AFF1: variants seen among roughly 807,000 people sequenced by gnomAD.
AFF1 encodes the protein ALF transcription elongation factor 1.
Under a neutral mutation model 121.7 loss-of-function variants are expected in AFF1, and 48 were observed. That is an observed-to-expected ratio of 0.39 (90% confidence interval 0.31 to 0.50). The LOEUF (loss-of-function observed/expected upper bound fraction) is 0.50. Among genes scored for constraint, AFF1 ranks in the 20% least tolerant of loss-of-function variants. The pLI, the probability that AFF1 is intolerant of heterozygous loss-of-function variation, is 0.76. For synonymous variants in AFF1, 613 were observed against 563.0 expected (o/e 1.09, Z -1.26); for missense variants, 1,523 against 1,511.7 (o/e 1.01, Z -0.12).
chr4:87,023,806 G>T (rs1297569016), intron 2 of AFF1, among the ~76,000 whole-genome samples: 2 of 152,178 alleles, frequency 1.3e-5, no homozygotes. Context: ...TTAAACAAGA[G>T]GGTTCGTTCT....
Position 87,114,570 on chromosome 4 carries a change from G to A in AFF1, c.1737G>A (p.Arg579=). The change falls in exon 12 of 21, where the codon CGG becomes CGA. Residue 579 remains arginine, a synonymous_variant. Transcript: ENST00000395146. ...CTAAAAGCTCCAGCAAAGCCCCCCG[G>A]GCCCCACCCGAAGCCCCCCACCCCG... is the stretch of plus-strand genomic sequence containing the variant. ...PPPKSSSKAP[R]APPEAPHPGK... The A allele has an allele frequency of 3.1e-6, 5 of 1,604,358 alleles. No homozygotes were observed. Among genetic ancestry groups the A allele is most frequent in the Non-Finnish European group, 4.3e-6 (5 of 1,175,838 alleles).
intron 2 of AFF1, among the ~76,000 whole-genome samples, chr4:87,044,107 C>T (rs1228437884): frequency 4.6e-5 from 7 of 152,134 alleles, no homozygotes; most frequent in Admixed American, 3.9e-4. Context: ...TGAGCCACTG[C>T]GCCTGGCCTA....
intron 2 of AFF1, among the ~76,000 whole-genome samples, chr4:87,006,636 C>A (rs894744350): frequency 1.3e-5 from 2 of 152,258 alleles, no homozygotes; most frequent in African/African-American, 4.8e-5. Flanking sequence ...CTGCCGCGGT[C>A]TTGTTCCTGC....
chr4:86,942,037 A>G (rs1720503720), intron 1 of AFF1, among the ~76,000 whole-genome samples: 1 of 152,134 alleles, frequency 6.6e-6, no homozygotes, highest in African/African-American at 2.4e-5. Flanking sequence ...AGATTTGGCA[A>G]GTTCTTGGAG....
chr4:87,109,396 G>A (rs1249694160), intron 11 of AFF1, among the ~76,000 whole-genome samples: 1 of 152,196 alleles, frequency 6.6e-6, no homozygotes, highest in Admixed American at 6.5e-5. Flanking sequence ...GAAAATAAGA[G>A]CTTGATATGT....
intron 1 of AFF1, chr4:86,936,392 A>C (rs1035573334): frequency 6.6e-6 from 1 of 152,282 alleles, no homozygotes; most frequent in Non-Finnish European, 1.5e-5. Context: ...AAACTGAAGC[A>C]CAGAAACGTT....
At chr4:86,984,796 G>A (rs1368055409) in intron 2 of AFF1, among the ~76,000 whole-genome samples, 1 of 151,952 alleles carries the variant, frequency 6.6e-6, no homozygotes, top group Non-Finnish European at 1.5e-5. Context: ...AAGTAGCTGG[G>A]CATATAGTCC....
chr4:87,001,095 C>T (rs887360398), intron 2 of AFF1, among the ~76,000 whole-genome samples: 4 of 151,460 alleles, frequency 2.6e-5, no homozygotes, highest in African/African-American at 9.7e-5. Context: ...CCCGGGGACT[C>T]TCCTCCTACA....
At chr4:87,050,057 C>G (rs971128525) in intron 4 of AFF1, among the ~76,000 whole-genome samples, 3 of 151,948 alleles carry the variant, frequency 2.0e-5, no homozygotes, top group African/African-American at 7.3e-5. Context: ...TCTTGTGAAT[C>G]CAAGGATTAT....
At chr4:87,099,565 T>G (rs563173365) in intron 8 of AFF1, among the ~76,000 whole-genome samples, 2 of 152,218 alleles carry the variant, frequency 1.3e-5, no homozygotes, top group East Asian at 3.9e-4. Context: ...CACACCACCA[T>G]ACCTGGCTAA....
rs367637557 is a variant in AFF1 at position 86,969,844 on chromosome 4, C to T, written c.38+21273C>T. On this transcript the variant is annotated intron_variant, in intron 2 of 20. Coordinates refer to ENST00000395146, the MANE Select transcript of AFF1 (RefSeq NM_001166693.3). ...GCAGTGAGCCGAGATAGCACCACTG[C>T]ACTCTGGCCTGGGCGGAAGAGCGAG... 3.6e-4 allele frequency among the ~76,000 whole-genome samples: 44 copies of T among 121,884 alleles called. No individual in the cohort carries two copies. In the East Asian group the frequency reaches 8.7e-3, roughly 24 times the overall value. 80.0% of individuals were successfully genotyped at this position (121,884 alleles called of 152,430 possible).
In AFF1 at chr4:87,136,412, C is replaced by T. The variant is rs1729304481; in HGVS notation, c.*711C>T. ...GACTTCTCATTACTGTGCTGAAAGTCAGCCCACGTCGGAGCGGTGAGGAGG... is the reference window on the plus strand; with the variant it reads ...GACTTCTCATTACTGTGCTGAAAGTTAGCCCACGTCGGAGCGGTGAGGAGG... On this transcript the variant is annotated 3_prime_UTR_variant, in exon 21 of 21. Transcript: ENST00000395146. 1 of 232,504 alleles carries T rather than the reference C, an allele frequency of 4.3e-6. No individual in the cohort carries two copies. Among genetic ancestry groups the T allele is most frequent in the African/African-American group, 2.2e-5 (1 of 45,298 alleles). 14.4% of individuals were successfully genotyped at this position (232,504 alleles called of 1,614,324 possible).
At chr4:87,037,407 G>A (rs1317129972) in intron 2 of AFF1, among the ~76,000 whole-genome samples, 1 of 152,076 alleles carries the variant, frequency 6.6e-6, no homozygotes, top group African/African-American at 2.4e-5. Flanking sequence ...CACCTCCTGG[G>A]TTCAAGCAGT....
chr4:87,041,988 C>T (rs867205989), intron 2 of AFF1, among the ~76,000 whole-genome samples: 107 of 147,250 alleles, frequency 7.3e-4, no homozygotes, highest in Middle Eastern at 3.6e-3. Flanking sequence ...CCAGCCTGGG[C>T]GACAGAGCGA....
In AFF1 at chr4:87,072,674, C is replaced by T. The variant is rs148788143; in HGVS notation, c.1060-11446C>T. 1.5e-3 allele frequency among the ~76,000 whole-genome samples: 224 copies of T among 152,044 alleles called. 1 individual carries two copies. Among genetic ancestry groups the T allele is most frequent in the African/African-American group, 4.8e-3 (199 of 41,484 alleles). ...TAGCTGGGATTACACGCTTGCACCA[C>T]CCACCACCACGCCTGGCTGATTTTT... On this transcript the variant is annotated intron_variant, in intron 4 of 20. Coordinates refer to ENST00000395146, the MANE Select transcript of AFF1 (RefSeq NM_001166693.3).
intron 4 of AFF1, among the ~76,000 whole-genome samples, chr4:87,077,369 G>C (rs1722774053): frequency 6.6e-6 from 1 of 152,170 alleles, no homozygotes; most frequent in African/African-American, 2.4e-5. Flanking sequence ...GTAAGCTGGG[G>C]ACAGTTTAAC....
At chr4:87,023,188 A>G (rs1349854971) in intron 2 of AFF1, among the ~76,000 whole-genome samples, 1 of 152,178 alleles carries the variant, frequency 6.6e-6, no homozygotes, top group African/African-American at 2.4e-5. Flanking sequence ...GGTGTAAGCC[A>G]CTGTGCCCAG....
chr4:87,092,377 A>G lies in AFF1; in HGVS notation c.1228+548A>G, dbSNP rs115841656. Among the ~76,000 whole-genome samples, 781 of 152,370 alleles carry G rather than the reference A, an allele frequency of 5.1e-3. 8 individuals are homozygous for G. The highest frequency in any genetic ancestry group is 0.018 in the African/African-American group (732 of 41,588). ...ATGCAGTGTGGTATTACTGACACAT[A>G]GTAGCTGTACCAAATGTGACTCTCA... On this transcript the variant is annotated intron_variant, in intron 7 of 20. Coordinates refer to ENST00000395146, the MANE Select transcript of AFF1 (RefSeq NM_001166693.3).
rs367803020 is a variant in AFF1, at chr4:87,105,818, A to C, written c.1349A>C (p.Lys450Thr). The change falls in exon 10 of 21, where the codon AAG becomes ACG. Residue 450 changes from lysine to threonine, a missense_variant. This residue lies in a region of AFF1 where 905 missense variants were observed against 842.5 expected (regional missense o/e 1.07). Transcript: ENST00000395146. ...EDSDSEQTPEKPPSSSAPPSA... is the reference protein window; with the variant it reads ...EDSDSEQTPETPPSSSAPPSA... ...ATTGTGAATGCCTAGACCCCAGAGA[A>C]GCCTCCCTCCTCATCTGCACCTCCA... The C allele has an allele frequency of 1.9e-6, 3 of 1,613,812 alleles. No individual in the cohort carries two copies. The African/African-American group carries it at 4.0e-5, about 22-fold the overall frequency.
Sources: allele counts gnomAD v4.1 joint callset (sites outside exome capture counted in the v4.1 genomes callset), GRCh38; gene constraint gnomAD v4.1.1; regional missense constraint gnomAD v4.1.1; transcripts MANE v1.5; gene names NCBI Gene and HGNC (gene_info 2026-07-23, HGNC 2026-07-21).